HMBOX1: variants seen among roughly 807,000 people sequenced by gnomAD.
HMBOX1 encodes the protein homeobox containing 1, also known as homeobox-containing protein 1.
Under a neutral mutation model 54.5 loss-of-function variants are expected in HMBOX1, and 14 were observed. That is an observed-to-expected ratio of 0.26 (90% CI 0.17 to 0.40). The LOEUF is 0.40. HMBOX1 is among the 10% of genes least tolerant of loss of function. The pLI is 1.00. For missense variants in HMBOX1, 332 were observed against 514.4 expected, an observed-to-expected ratio of 0.65 and a Z score of 3.43; for synonymous variants, 160 against 181.0, an observed-to-expected ratio of 0.88 and a Z score of 0.93.
chr8:28,936,005 G>A (rs1201847803), intron 1 of HMBOX1, among the ~76,000 whole-genome samples: 1 of 151,926 alleles, frequency 6.6e-6, no homozygotes, highest in Non-Finnish European at 1.5e-5. Context: ...AAATAGAAAA[G>A]AATATATATA....
chr8:28,935,222 A>G (rs1464692681), intron 1 of HMBOX1, among the ~76,000 whole-genome samples: 1 of 152,200 alleles, frequency 6.6e-6, no homozygotes, highest in Non-Finnish European at 1.5e-5. Context: ...GTTGAACCCG[A>G]TCTCAATCAA....
chr8:28,988,934 A>C (rs1301869589), intron 4 of HMBOX1, among the ~76,000 whole-genome samples: 2 of 151,646 alleles, frequency 1.3e-5, no homozygotes, highest in African/African-American at 4.9e-5. Context: ...TATATTTATC[A>C]TTTTTTTTCT....
At chr8:28,947,427 T>C (rs1368971579) in intron 1 of HMBOX1, among the ~76,000 whole-genome samples, 1 of 152,238 alleles carries the variant, frequency 6.6e-6, no homozygotes, top group East Asian at 1.9e-4. Context: ...CCACTTCTCT[T>C]GCAATTGAGA....
intron 3 of HMBOX1, among the ~76,000 whole-genome samples, chr8:28,972,623 G>A (rs1228637332): frequency 6.6e-6 from 1 of 152,132 alleles, no homozygotes; most frequent in Non-Finnish European, 1.5e-5. Context: ...GGTTTTTTCG[G>A]TGTTGTTGCT....
chr8:28,973,803 G>GTTTTTTTTTTTTTTTTTTTTTTTTTT lies in HMBOX1; in HGVS notation c.500+3290_500+3315dup, dbSNP rs71222583. The stretch of plus-strand genomic sequence containing the variant: ...TAATAATTTCGAGATACATAATGGA[G>GTTTTTTTTTTTTTTTTTTTTTTTTTT]TTTTTTTTTTTTTTTTTTTTTTTTT... On this transcript the variant is annotated intron_variant, in intron 3 of 9. Coordinates refer to ENST00000287701, the MANE Select transcript of HMBOX1 (RefSeq NM_001135726.3). 3.2e-4 allele frequency among the ~76,000 whole-genome samples: 23 copies of GTTTTTTTTTTTTTTTTTTTTTTTTTT among 72,656 alleles called. 2 individuals are homozygous for GTTTTTTTTTTTTTTTTTTTTTTTTTT. Among genetic ancestry groups the GTTTTTTTTTTTTTTTTTTTTTTTTTT allele is most frequent in the Middle Eastern group, 8.5e-3 (1 of 118 alleles). 47.7% of individuals were successfully genotyped at this position (72,656 alleles called of 152,430 possible). A position where few individuals can be genotyped will look rare whatever the true frequency, so the allele number is the denominator to read the frequency against.
At chr8:29,046,318 C>T (rs933928731) in intron 7 of HMBOX1, 1 of 152,174 alleles carries the variant, frequency 6.6e-6, no homozygotes, top group South Asian at 2.1e-4. Context: ...CTTGAACTCT[C>T]CCTGGAACAT....
rs1416024188 is a variant in HMBOX1 at position 28,983,177 on chromosome 8, C to G, written c.586+3021C>G. Among the ~76,000 whole-genome samples, 2 of 152,212 alleles carry G rather than the reference C, an allele frequency of 1.3e-5. 1 individual carries two copies. Among genetic ancestry groups the G allele is most frequent in the South Asian group, 4.1e-4 (2 of 4,834 alleles). Reference sequence around the variant, plus strand: ...GCCTCACCCTAACTTGTTCTTCCTCCTCTTCATTTCTACTCCAAAAGCTTG... The same window carrying G: ...GCCTCACCCTAACTTGTTCTTCCTCGTCTTCATTTCTACTCCAAAAGCTTG... On this transcript the variant is annotated intron_variant, in intron 4 of 9. Transcript: ENST00000287701.
chr8:29,000,124 C>G (rs1301048263), intron 4 of HMBOX1, among the ~76,000 whole-genome samples: 1 of 152,208 alleles, frequency 6.6e-6, no homozygotes, highest in Non-Finnish European at 1.5e-5. Context: ...AGCTGCTGAA[C>G]TATCTTCCTT....
rs1052807108 is a variant in HMBOX1 at position 29,049,582 on chromosome 8, AT to A, written c.1125+535del. 8.2e-5 allele frequency: 59 copies of A among 716,370 alleles called. No homozygotes were observed. The Admixed American group carries it at 1.3e-3, about 15-fold the overall frequency. 44.4% of individuals were successfully genotyped at this position (716,370 alleles called of 1,614,324 possible). On this transcript the variant is annotated intron_variant, in intron 9 of 9. Coordinates refer to ENST00000287701, the MANE Select transcript of HMBOX1 (RefSeq NM_001135726.3). ...GAGTCTCTGGCACACTGACACATGC[AT>A]CCTCTCATAAGTGCAATACCTGCAT... is the stretch of plus-strand genomic sequence containing the variant.
chr8:29,029,087 C>T (rs1430342756), intron 6 of HMBOX1, among the ~76,000 whole-genome samples: 2 of 151,608 alleles, frequency 1.3e-5, no homozygotes, highest in Non-Finnish European at 2.9e-5. Context: ...TAGGATTTTC[C>T]GCCTATTAAA....
At chr8:29,001,400 A>G (rs988695411) in intron 4 of HMBOX1, among the ~76,000 whole-genome samples, 3 of 152,264 alleles carry the variant, frequency 2.0e-5, no homozygotes, top group African/African-American at 7.2e-5. Context: ...AAATACAAAA[A>G]TTAGCCAGGC....
intron 2 of HMBOX1, among the ~76,000 whole-genome samples, chr8:28,964,569 G>A (rs1586138556): frequency 1.3e-5 from 2 of 152,150 alleles, no homozygotes; most frequent in African/African-American, 2.4e-5. Context: ...CTTTAGAGTC[G>A]AATGCAGAGT....
chr8:28,944,612 A>G (rs1257502119), intron 1 of HMBOX1, among the ~76,000 whole-genome samples: 1 of 152,218 alleles, frequency 6.6e-6, no homozygotes, highest in Non-Finnish European at 1.5e-5. Flanking sequence ...GTGGGTCTCC[A>G]GTACTACATC....
At chr8:28,961,899 T>G (rs10097704) in intron 1 of HMBOX1, among the ~76,000 whole-genome samples, 105,455 of 122,098 alleles carry the variant, frequency 0.86, 44,462 homozygotes, top group South Asian at 0.92. Flanking sequence ...ATTTTATTTT[T>G]TTTTTTTTTT....
chr8:29,027,939 T>A (rs1036870857), intron 6 of HMBOX1, among the ~76,000 whole-genome samples: 7 of 152,244 alleles, frequency 4.6e-5, no homozygotes, highest in African/African-American at 1.7e-4. Context: ...GTATATTGAA[T>A]GTGTTTTTGT....
At chr8:28,892,961 G>A (rs1165027130) in intron 1 of HMBOX1, among the ~76,000 whole-genome samples, 1 of 152,116 alleles carries the variant, frequency 6.6e-6, no homozygotes, top group Non-Finnish European at 1.5e-5. Flanking sequence ...TAGTCATGGA[G>A]TTTTTTAAAA....
At chr8:28,906,466 A>G (rs1259835822) in intron 1 of HMBOX1, among the ~76,000 whole-genome samples, 1 of 152,212 alleles carries the variant, frequency 6.6e-6, no homozygotes, top group Non-Finnish European at 1.5e-5. Flanking sequence ...ATCTTACATT[A>G]CATTTATAAA....
At chr8:28,918,789 T>C (rs773964403) in intron 1 of HMBOX1, among the ~76,000 whole-genome samples, 1 of 152,224 alleles carries the variant, frequency 6.6e-6, no homozygotes, top group Non-Finnish European at 1.5e-5. Context: ...CTGTCATCAA[T>C]AACATAGTCA....
intron 1 of HMBOX1, among the ~76,000 whole-genome samples, chr8:28,921,178 T>C (rs1428610288): frequency 3.9e-5 from 6 of 152,002 alleles, no homozygotes; most frequent in Non-Finnish European, 8.8e-5. Context: ...ATACTAAAAA[T>C]ACAAAAATTA....
Sources: gnomAD v4.1 joint callset for allele counts (sites outside exome capture counted in the v4.1 genomes callset) on GRCh38, gnomAD v4.1.1 for gene constraint, MANE v1.5 for transcripts, NCBI Gene and HGNC (gene_info 2026-07-23, HGNC 2026-07-21) for gene names.